Variants in SEC23A observed in about 807,000 individuals in gnomAD.
SEC23A encodes protein transport protein Sec23A.
A neutral mutation model predicts 103.7 loss-of-function variants in SEC23A; 56 were observed. The ratio of observed to expected loss-of-function variants is 0.54; its 90% confidence interval spans 0.44 to 0.67. The LOEUF is 0.67. Among genes scored for constraint, SEC23A ranks in the 30% least tolerant of loss-of-function variants. The pLI is 0.00. For missense variants in SEC23A, 784 were observed against 936.4 expected (o/e 0.84, Z 2.12); for synonymous variants, 281 against 293.0 (o/e 0.96, Z 0.42).
At chr14:39,061,711 C>T (rs1442946542) in intron 13 of SEC23A, 54 bp downstream of exon 13, 3 of 1,275,526 alleles carry the variant, frequency 2.4e-6, no homozygotes, top group South Asian at 2.4e-5. Flanking sequence ...AGTTTGGAAA[C>T]ACAACCCAGA....
chr14:39,088,051 T>C (rs1887505954), intron 5 of SEC23A: 1 of 152,180 alleles, frequency 6.6e-6, no homozygotes, highest in Admixed American at 6.5e-5. Flanking sequence ...TTAGTACTAA[T>C]AACCTGGCAA....
intron 16 of SEC23A, 106 bp downstream of exon 16, chr14:39,045,057 A>T: frequency 1.0e-6 from 1 of 955,778 alleles, no homozygotes; most frequent in Non-Finnish European, 1.6e-6. Flanking sequence ...TCTTTTAGTT[A>T]AATTCTTATA....
At chr14:39,051,246 G>A (rs1011236807) in intron 14 of SEC23A, among the ~76,000 whole-genome samples, 1 of 152,170 alleles carries the variant, frequency 6.6e-6, no homozygotes, top group African/African-American at 2.4e-5. Context: ...GAGACAGTGT[G>A]CATTACAGAG....
intron 8 of SEC23A, among the ~76,000 whole-genome samples, chr14:39,075,106 C>CA (rs1034034521): frequency 5.4e-5 from 8 of 148,590 alleles, no homozygotes; most frequent in Non-Finnish European, 1.0e-4. Context: ...GACTTTGCCT[C>CA]AAAAAAAAAG....
chr14:39,042,371 T>C (rs777387669), intron 17 of SEC23A, among the ~76,000 whole-genome samples: 1 of 152,256 alleles, frequency 6.6e-6, no homozygotes, highest in Non-Finnish European at 1.5e-5. Context: ...TTAATTCATG[T>C]ATGCTTTAAA....
intron 19 of SEC23A, among the ~76,000 whole-genome samples, chr14:39,036,340 A>AAG (rs1885460781): frequency 6.7e-6 from 1 of 149,582 alleles, no homozygotes; most frequent in Non-Finnish European, 1.5e-5. Flanking sequence ...AAAAAAAAAA[A>AAG]AAAAAGAACA....
In SEC23A at chr14:39,091,718, T is replaced by TA; in HGVS notation, c.367-6dup. The TA allele has an allele frequency of 4.4e-6, 7 of 1,605,646 alleles. No homozygotes were observed. The highest frequency in any genetic ancestry group is 1.1e-5 in the South Asian group (1 of 90,880). On this transcript the variant is annotated splice_polypyrimidine_tract_variant and splice_region_variant and intron_variant, in intron 4 of 19. Transcript: ENST00000307712. ...CAAAGGCATCTGAGGACCACGCTTT[T>TA]AAAAAATTCACCAAAAAGAAAAAAT...
intron 10 of SEC23A, 75 bp from the exon 11 acceptor site, chr14:39,065,068 T>C (rs1886612624): frequency 2.2e-6 from 2 of 912,810 alleles, no homozygotes; most frequent in Non-Finnish European, 3.7e-6. Flanking sequence ...TGTATAAGAA[T>C]ATAAGATATT....
chr14:39,085,407 G>C (rs1566508000), intron 7 of SEC23A, among the ~76,000 whole-genome samples: 1 of 152,122 alleles, frequency 6.6e-6, no homozygotes, highest in African/African-American at 2.4e-5. Context: ...CCAATTTACA[G>C]CCAGTCTATC....
At chr14:39,089,827 G>A (rs186661307) in intron 5 of SEC23A, among the ~76,000 whole-genome samples, 3 of 152,124 alleles carry the variant, frequency 2.0e-5, no homozygotes, top group Non-Finnish European at 4.4e-5. Flanking sequence ...ATGATGGCGG[G>A]TGCCAGTAGT....
At chr14:39,098,003 C>G (rs901622330) in intron 1 of SEC23A, among the ~76,000 whole-genome samples, 1 of 151,902 alleles carries the variant, frequency 6.6e-6, no homozygotes, top group African/African-American at 2.4e-5. Flanking sequence ...GCAGGAGAAT[C>G]GCTTGAACTG....
At chr14:39,044,579 C>G (rs1016536036) in intron 16 of SEC23A, among the ~76,000 whole-genome samples, 1 of 152,070 alleles carries the variant, frequency 6.6e-6, no homozygotes, top group Non-Finnish European at 1.5e-5. Context: ...AGTAGTAAAA[C>G]AGACCATTTT....
At chr14:39,043,500 T>C (rs557712677) in intron 16 of SEC23A, among the ~76,000 whole-genome samples, 1 of 152,014 alleles carries the variant, frequency 6.6e-6, no homozygotes, top group Non-Finnish European at 1.5e-5. Flanking sequence ...CATGGGAAAA[T>C]AGTTCTGCAT....
intron 9 of SEC23A, among the ~76,000 whole-genome samples, chr14:39,072,993 T>C (rs545085604): frequency 1.2e-3 from 176 of 152,196 alleles, no homozygotes; most frequent in African/African-American, 3.9e-3. Context: ...CTCCTAGATA[T>C]ATACCTAAGA....
intron 9 of SEC23A, among the ~76,000 whole-genome samples, chr14:39,073,589 C>A (rs936960594): frequency 4.1e-5 from 6 of 147,982 alleles, no homozygotes; most frequent in Non-Finnish European, 7.4e-5. Flanking sequence ...CCACGGTGCC[C>A]GGCTCTGATT....
At chr14:39,077,454 A>G (rs999082032) in intron 7 of SEC23A, among the ~76,000 whole-genome samples, 2 of 151,756 alleles carry the variant, frequency 1.3e-5, no homozygotes, top group African/African-American at 4.8e-5. Context: ...GAGGCAGAGA[A>G]TTGCTTGAAC....
intron 13 of SEC23A, among the ~76,000 whole-genome samples, chr14:39,061,251 T>C (rs1886465021): frequency 6.6e-6 from 1 of 152,160 alleles, no homozygotes; most frequent in Non-Finnish European, 1.5e-5. Flanking sequence ...TACCACACTG[T>C]CATACAGCAG....
Position 39,045,261 on chromosome 14 carries a change from A to T in SEC23A, c.1801T>A (p.Ser601Thr). The part of the protein sequence containing the change: ...QVFNNSPDES[S>T]YYRHHFMRQD... The stretch of plus-strand genomic sequence containing the variant: ...CGCATAAAATGGTGACGATAATATG[A>T]ACTCTCATCAGGACTATTGTTAAAA... Residue 601 changes from serine to threonine, a missense_variant, in exon 16 of 20, where the codon TCA becomes ACA. Around this residue, in one of 2 missense-constraint regions of SEC23A, gnomAD observed 683 missense variants for 774.2 expected, o/e 0.88. Coordinates refer to ENST00000307712, the MANE Select transcript of SEC23A (RefSeq NM_006364.4). The T allele has an allele frequency of 6.2e-7, 1 of 1,612,420 alleles. No individual in the cohort carries two copies. The highest frequency in any genetic ancestry group is 8.5e-7 in the Non-Finnish European group (1 of 1,178,638).
At chr14:39,034,497 AG>A (rs1387046940) in intron 19 of SEC23A, among the ~76,000 whole-genome samples, 2 of 152,244 alleles carry the variant, frequency 1.3e-5, no homozygotes, top group African/African-American at 4.8e-5. Flanking sequence ...AACACAGAAA[AG>A]CACAAGTCTC....
Sources: allele counts gnomAD v4.1 joint callset (sites outside exome capture counted in the v4.1 genomes callset), GRCh38; gene constraint gnomAD v4.1.1; regional missense constraint gnomAD v4.1.1; transcripts MANE v1.5; gene names NCBI Gene and HGNC (gene_info 2026-07-23, HGNC 2026-07-21).